CFAP97D2: variants seen among roughly 807,000 people sequenced by gnomAD.
The protein encoded by CFAP97D2 is CFAP97 domain containing 2, also known as uncharacterized protein CFAP97D2.
chr13:114,210,554 C>A (rs898306350), intron 3 of CFAP97D2, among the ~76,000 whole-genome samples: 7 of 152,162 alleles, frequency 4.6e-5, no homozygotes, highest in Non-Finnish European at 1.0e-4. Flanking sequence ...CTGTTTTCTT[C>A]TGCCCTATTT....
intron 3 of CFAP97D2, among the ~76,000 whole-genome samples, chr13:114,209,498 C>T (rs2080957026): frequency 6.6e-6 from 1 of 152,156 alleles, no homozygotes; most frequent in East Asian, 1.9e-4. Flanking sequence ...CTAGAGTGTT[C>T]GTGTAGGCCT....
intron 1 of CFAP97D2, among the ~76,000 whole-genome samples, chr13:114,182,438 A>G (rs965128517): frequency 1.3e-5 from 2 of 151,720 alleles, no homozygotes; most frequent in East Asian, 3.9e-4. Context: ...CCTCTATCTC[A>G]ACTGCAAGAG....
At chr13:114,188,227 A>T (rs1351427723) in intron 1 of CFAP97D2, among the ~76,000 whole-genome samples, 1 of 151,400 alleles carries the variant, frequency 6.6e-6, no homozygotes, top group Non-Finnish European at 1.5e-5. Flanking sequence ...AGCTATGATC[A>T]TGCCACTGCA....
intron 3 of CFAP97D2, among the ~76,000 whole-genome samples, chr13:114,209,869 T>G (rs938284675): frequency 6.6e-5 from 10 of 152,372 alleles, no homozygotes; most frequent in Admixed American, 5.2e-4. Flanking sequence ...TAGTAGGTAC[T>G]CAGTAAATAT....
At chr13:114,217,696 C>T (rs1261069166) in intron 4 of CFAP97D2, among the ~76,000 whole-genome samples, 10 of 152,190 alleles carry the variant, frequency 6.6e-5, no homozygotes, top group African/African-American at 2.4e-4. Context: ...TAGGCTTCAT[C>T]CCTGGGATGC....
chr13:114,184,517 C>T (rs966887129), intron 1 of CFAP97D2, among the ~76,000 whole-genome samples: 11 of 152,164 alleles, frequency 7.2e-5, no homozygotes, highest in African/African-American at 2.6e-4. Flanking sequence ...AACAGAGGAA[C>T]GAAGATGAGA....
chr13:114,188,552 C>T (rs186400959), intron 1 of CFAP97D2, among the ~76,000 whole-genome samples: 147 of 151,928 alleles, frequency 9.7e-4, no homozygotes, highest in Admixed American at 1.4e-3. Context: ...CCGAGGCGGG[C>T]GGATCATGAG....
chr13:114,182,172 C>G (rs562112709), intron 1 of CFAP97D2, among the ~76,000 whole-genome samples: 1 of 123,524 alleles, frequency 8.1e-6, no homozygotes, highest in Non-Finnish European at 1.8e-5. Flanking sequence ...CAGCAAAAAA[C>G]GTGAGCAAAA....
At chr13:114,202,252 A>T (rs2080921472) in intron 3 of CFAP97D2, among the ~76,000 whole-genome samples, 1 of 152,240 alleles carries the variant, frequency 6.6e-6, no homozygotes, top group Admixed American at 6.5e-5. Context: ...ATAAGGCTGC[A>T]ATCAGAGTTT....
At chr13:114,204,621 C>T (rs755991807) in intron 3 of CFAP97D2, among the ~76,000 whole-genome samples, 7 of 152,142 alleles carry the variant, frequency 4.6e-5, no homozygotes, top group South Asian at 2.1e-4. Context: ...ACAACTCTAT[C>T]GCCACATGCA....
chr13:114,198,260 T>C (rs2080896088), intron 2 of CFAP97D2, among the ~76,000 whole-genome samples: 3 of 152,212 alleles, frequency 2.0e-5, no homozygotes. Context: ...ATTGCATGGT[T>C]ATCTCGAAGT....
intron 4 of CFAP97D2, among the ~76,000 whole-genome samples, chr13:114,214,582 TTTTG>T (rs10636230): frequency 2.7e-5 from 4 of 150,872 alleles, no homozygotes; most frequent in Non-Finnish European, 4.4e-5. Context: ...ATATTTGAGG[TTTTG>T]TTTGTTTGTT....
intron 4 of CFAP97D2, among the ~76,000 whole-genome samples, chr13:114,217,013 GT>G (rs1379095118): frequency 1.1e-3 from 169 of 152,256 alleles, no homozygotes; most frequent in African/African-American, 3.8e-3. Context: ...TCTCATTGTG[GT>G]TTTGATTTGC....
rs929119108 is a variant in CFAP97D2, at chr13:114,179,480, C to T, written c.90+60C>T. The T allele has an allele frequency of 4.0e-5, 16 of 398,356 alleles. No homozygotes were observed. The highest frequency in any genetic ancestry group is 2.6e-4 in the South Asian group (2 of 7,802). 24.7% of individuals were successfully genotyped at this position (398,356 alleles called of 1,614,324 possible). ...GCGGGCGGGCACCAAGCAGCGCCCACGAAATGCCTCTGCTTTCCCTGGAGT... is the reference window on the plus strand; with the variant it reads ...GCGGGCGGGCACCAAGCAGCGCCCATGAAATGCCTCTGCTTTCCCTGGAGT... On this transcript the variant is annotated intron_variant, in intron 1 of 4. Coordinates refer to ENST00000646158, the Ensembl canonical transcript of CFAP97D2. The surrounding 1 kb of genome is among the most constrained non-coding windows in gnomAD (Gnocchi z 4.8).
rs1252994037 is a variant in CFAP97D2 at position 114,200,307 on chromosome 13, C to T, written c.172-18C>T. ...CGCAATCTGCCGGCGCTCCTCCAGC[C>T]TCCTTCTCTGTCCCCAGCTGGAGGA... On this transcript the variant is annotated intron_variant, in intron 2 of 4. Coordinates refer to ENST00000646158, the Ensembl canonical transcript of CFAP97D2. 5 of 398,554 alleles carry T rather than the reference C, an allele frequency of 1.3e-5. No individual in the cohort carries two copies. Among genetic ancestry groups the T allele is most frequent in the Non-Finnish European group, 2.2e-5 (5 of 226,074 alleles). The allele number at this position is 398,554 out of a possible 1,614,324, so 24.7% of individuals were successfully genotyped here.
intron 1 of CFAP97D2, among the ~76,000 whole-genome samples, chr13:114,182,037 T>C (rs1449392938): frequency 1.3e-5 from 2 of 152,102 alleles, no homozygotes; most frequent in Non-Finnish European, 2.9e-5. Flanking sequence ...GGACCGGCGC[T>C]CAGCATACCA....
chr13:114,210,703 C>T (rs138974908), intron 3 of CFAP97D2, among the ~76,000 whole-genome samples: 1 of 152,208 alleles, frequency 6.6e-6, no homozygotes, highest in East Asian at 1.9e-4. Context: ...TCCTGAGCAC[C>T]AGCCTACCAG....
At chr13:114,182,502 T>TG (rs1040023333) in intron 1 of CFAP97D2, among the ~76,000 whole-genome samples, 2 of 151,774 alleles carry the variant, frequency 1.3e-5, no homozygotes, top group African/African-American at 4.9e-5. Flanking sequence ...GGTGTCGGGC[T>TG]GGGGTACAGT....
chr13:114,193,768 C>T (rs141793225), intron 1 of CFAP97D2, among the ~76,000 whole-genome samples: 1 of 152,136 alleles, frequency 6.6e-6, no homozygotes, highest in Non-Finnish European at 1.5e-5. Flanking sequence ...TCTCGCAGTG[C>T]TGGAGGCTGG....
Sources: allele counts gnomAD v4.1 joint callset (sites outside exome capture counted in the v4.1 genomes callset), GRCh38; gene constraint gnomAD v4.1.1; non-coding constraint Gnocchi (gnomAD v3.1); transcripts MANE v1.5; gene names NCBI Gene and HGNC (gene_info 2026-07-23, HGNC 2026-07-21).